Variants in CFAP20DC observed in about 807,000 individuals in gnomAD.
CFAP20DC encodes CFAP20 domain containing, also known as protein CFAP20DC.
In CFAP20DC, 84 loss-of-function variants were observed where a neutral mutation model predicts 101.7. The ratio of observed to expected loss-of-function variants is 0.83; its 90% confidence interval spans 0.69 to 0.99. CFAP20DC has a LOEUF of 0.99. CFAP20DC is among the 50% of genes least tolerant of loss of function. CFAP20DC has a pLI of 0.00. For missense variants in CFAP20DC, 1,007 were observed against 970.3 expected, an observed-to-expected ratio of 1.04 and a Z score of -0.50; for synonymous variants, 359 against 351.2, an observed-to-expected ratio of 1.02 and a Z score of -0.25.
intron 11 of CFAP20DC, among the ~76,000 whole-genome samples, chr3:58,865,020 T>C (rs2079560477): frequency 6.6e-6 from 1 of 152,008 alleles, no homozygotes; most frequent in Non-Finnish European, 1.5e-5. Context: ...TATAATGATA[T>C]CGTTGAAAGC....
At chr3:58,969,520 A>T (rs1015350720) in intron 4 of CFAP20DC, among the ~76,000 whole-genome samples, 1 of 152,214 alleles carries the variant, frequency 6.6e-6, no homozygotes, top group Admixed American at 6.6e-5. Flanking sequence ...CTGGTATATG[A>T]ATTGTTCATA....
chr3:58,952,801 GT>G (rs2090266662), intron 4 of CFAP20DC, among the ~76,000 whole-genome samples: 1 of 152,046 alleles, frequency 6.6e-6, no homozygotes, highest in African/African-American at 2.4e-5. Context: ...ACAGAGCTAG[GT>G]TCAGGGGTTT....
intron 14 of CFAP20DC, among the ~76,000 whole-genome samples, chr3:58,815,325 A>G (rs1473031751): frequency 1.3e-5 from 2 of 148,434 alleles, no homozygotes; most frequent in Non-Finnish European, 3.0e-5. Context: ...CTGAAACTGG[A>G]TCCCTTCCTT....
chr3:58,792,873 T>C (rs570028450), intron 15 of CFAP20DC, among the ~76,000 whole-genome samples: 23 of 152,178 alleles, frequency 1.5e-4, no homozygotes, highest in African/African-American at 5.5e-4. Context: ...GAAGAAAAAG[T>C]ACATGTGGTG....
At chr3:58,825,654 C>T (rs2075992430) in intron 14 of CFAP20DC, among the ~76,000 whole-genome samples, 1 of 152,084 alleles carries the variant, frequency 6.6e-6, no homozygotes, top group African/African-American at 2.4e-5. Flanking sequence ...CCAAAGGCTG[C>T]CGAGAGCCCA....
chr3:58,909,047 T>C (rs535263601), intron 6 of CFAP20DC, among the ~76,000 whole-genome samples: 2 of 152,260 alleles, frequency 1.3e-5, no homozygotes, highest in East Asian at 3.9e-4. Flanking sequence ...GCAGTGAACC[T>C]ATTCTGTGTG....
chr3:58,862,964 T>C, intron 12 of CFAP20DC: 4 of 974,984 alleles, frequency 4.1e-6, no homozygotes, highest in Non-Finnish European at 4.9e-6. Flanking sequence ...TTTTACGAAT[T>C]TGCTAATTTA....
intron 14 of CFAP20DC, among the ~76,000 whole-genome samples, chr3:58,819,354 C>G (rs2075438474): frequency 2.0e-5 from 3 of 152,058 alleles, no homozygotes; most frequent in Admixed American, 1.3e-4. Flanking sequence ...AATCCAGGAG[C>G]TGGTTTTTTG....
intron 6 of CFAP20DC, among the ~76,000 whole-genome samples, chr3:58,885,119 C>A (rs2081516343): frequency 6.6e-6 from 1 of 152,020 alleles, no homozygotes; most frequent in Non-Finnish European, 1.5e-5. Flanking sequence ...AACCTAAGCA[C>A]CCACAGCCAT....
At chr3:58,772,239 C>A (rs2070916134) in intron 15 of CFAP20DC, among the ~76,000 whole-genome samples, 1 of 151,850 alleles carries the variant, frequency 6.6e-6, no homozygotes, top group Non-Finnish European at 1.5e-5. Flanking sequence ...TCTTTGTGCC[C>A]AACACTGTGT....
chr3:58,792,741 T>C (rs1436412694), intron 15 of CFAP20DC, among the ~76,000 whole-genome samples: 1 of 151,616 alleles, frequency 6.6e-6, no homozygotes, highest in African/African-American at 2.4e-5. Context: ...ACTCCATGAG[T>C]TCAACTACAA....
chr3:59,042,376 T>C (rs986424437), intron 3 of CFAP20DC, among the ~76,000 whole-genome samples: 1 of 151,722 alleles, frequency 6.6e-6, no homozygotes, highest in Non-Finnish European at 1.5e-5. Flanking sequence ...CTAAAATCAA[T>C]GGTAAACCCC....
At chr3:59,021,445 G>T (rs894096050) in intron 4 of CFAP20DC, among the ~76,000 whole-genome samples, 1 of 152,052 alleles carries the variant, frequency 6.6e-6, no homozygotes, top group Non-Finnish European at 1.5e-5. Context: ...ACTGTCAAGT[G>T]TCTATAATTA....
intron 15 of CFAP20DC, among the ~76,000 whole-genome samples, chr3:58,798,718 A>G (rs1015575101): frequency 6.6e-6 from 1 of 152,166 alleles, no homozygotes; most frequent in African/African-American, 2.4e-5. Context: ...GGCAAACTTC[A>G]TTGTTGTCTT....
rs548803013 is a variant in CFAP20DC at position 58,877,469 on chromosome 3, A to G, written c.715+7076T>C. Among the ~76,000 whole-genome samples, 7 of 152,336 alleles carry G rather than the reference A, an allele frequency of 4.6e-5. No homozygotes were observed. In the South Asian group the frequency reaches 6.2e-4, roughly 14 times the overall value. On this transcript the variant is annotated intron_variant, in intron 7 of 16. Coordinates refer to ENST00000482387, the MANE Select transcript of CFAP20DC (RefSeq NM_001394063.1). ...TGTTCAACTTGAGACTTAAAGGATGATGGATATCAGGATACATGCTCAATC... is the reference window on the plus strand; with the variant it reads ...TGTTCAACTTGAGACTTAAAGGATGGTGGATATCAGGATACATGCTCAATC...
chr3:58,842,855 C>A lies in CFAP20DC; in HGVS notation c.1971+6177G>T, dbSNP rs1251839602. ...TGCCTCCTCAAGTGGGTCCCTGACC[C>A]CTGACCCCCGAGCAGCCTAACTGGG... On this transcript the variant is annotated intron_variant, in intron 13 of 16. Transcript: ENST00000482387. Among the ~76,000 whole-genome samples, 3 of 152,310 alleles carry A rather than the reference C, an allele frequency of 2.0e-5. No individual in the cohort carries two copies. The East Asian group carries it at 5.8e-4, about 29-fold the overall frequency.
intron 3 of CFAP20DC, among the ~76,000 whole-genome samples, chr3:59,040,167 G>A (rs1560037700): frequency 6.6e-6 from 1 of 151,916 alleles, no homozygotes; most frequent in Non-Finnish European, 1.5e-5. Context: ...ATGAATAGAG[G>A]ATCATATTTT....
At chr3:58,877,940 T>G (rs933029627) in intron 7 of CFAP20DC, among the ~76,000 whole-genome samples, 1 of 152,094 alleles carries the variant, frequency 6.6e-6, no homozygotes, top group Middle Eastern at 3.4e-3. Flanking sequence ...AATAGTGCTG[T>G]GGGGACTGGG....
chr3:58,820,606 A>G (rs1559646649), intron 14 of CFAP20DC, among the ~76,000 whole-genome samples: 2 of 152,116 alleles, frequency 1.3e-5, no homozygotes, highest in Non-Finnish European at 1.5e-5. Flanking sequence ...GGACCTCTTC[A>G]GGGAGAACTA....
Sources: allele counts gnomAD v4.1 joint callset (sites outside exome capture counted in the v4.1 genomes callset), GRCh38; gene constraint gnomAD v4.1.1; transcripts MANE v1.5; gene names NCBI Gene and HGNC (gene_info 2026-07-23, HGNC 2026-07-21).